GALNT17: variants seen among roughly 807,000 people sequenced by gnomAD.
The protein encoded by GALNT17 is polypeptide N-acetylgalactosaminyltransferase 17.
GALNT17 carries 29 observed loss-of-function variants against 63.7 expected under a neutral mutation model. The ratio of observed to expected loss-of-function variants is 0.46; its 90% CI spans 0.34 to 0.62. The LOEUF is 0.62. GALNT17 is among the 20% of genes least tolerant of loss of function. GALNT17 has a pLI of 0.01. For missense variants in GALNT17, 603 were observed against 799.6 expected, an observed-to-expected ratio of 0.75 and a Z score of 2.97; for synonymous variants, 305 against 318.3, an observed-to-expected ratio of 0.96 and a Z score of 0.45.
At chr7:71,360,415 T>C (rs1442728813) in intron 2 of GALNT17, among the ~76,000 whole-genome samples, 4 of 152,204 alleles carry the variant, frequency 2.6e-5, no homozygotes, top group Non-Finnish European at 2.9e-5. Context: ...AAGAACCAAC[T>C]TGTGATGAAA....
chr7:71,228,390 A>G (rs911584290), intron 1 of GALNT17, among the ~76,000 whole-genome samples: 1 of 152,198 alleles, frequency 6.6e-6, no homozygotes, highest in Non-Finnish European at 1.5e-5. Context: ...TGTCCTGTCT[A>G]GAAGCCATTG....
chr7:71,321,784 G>C (rs1243331519), intron 1 of GALNT17, among the ~76,000 whole-genome samples: 2 of 150,686 alleles, frequency 1.3e-5, no homozygotes, highest in African/African-American at 4.9e-5. Context: ...TGCCCACCTT[G>C]GCCCCCCAAA....
intron 2 of GALNT17, among the ~76,000 whole-genome samples, chr7:71,384,977 C>G (rs1792914322): frequency 6.6e-6 from 1 of 152,172 alleles, no homozygotes; most frequent in South Asian, 2.1e-4. Context: ...GCATTGACAA[C>G]TGCCTTGTTA....
At chr7:71,341,608 A>G (rs1158144263) in intron 2 of GALNT17, among the ~76,000 whole-genome samples, 1 of 152,254 alleles carries the variant, frequency 6.6e-6, no homozygotes, top group African/African-American at 2.4e-5. Flanking sequence ...GAAACATTAG[A>G]TGACAATGGA....
chr7:71,250,275 T>C (rs1008683816), intron 1 of GALNT17, among the ~76,000 whole-genome samples: 7 of 152,304 alleles, frequency 4.6e-5, no homozygotes, highest in African/African-American at 1.4e-4. Context: ...CATCCAAGAA[T>C]AGGCCATTAT....
chr7:71,546,453 C>T (rs559361122), intron 5 of GALNT17, among the ~76,000 whole-genome samples: 12 of 152,236 alleles, frequency 7.9e-5, no homozygotes, highest in African/African-American at 2.4e-4. Context: ...CAAGCCACTG[C>T]GCCCAGCTGA....
At chr7:71,621,532 TGGA>T (rs1790291783) in intron 6 of GALNT17, among the ~76,000 whole-genome samples, 2 of 105,220 alleles carry the variant, frequency 1.9e-5, no homozygotes, top group African/African-American at 7.4e-5. Flanking sequence ...GATGGATGGA[TGGA>T]TTGATGGATT....
chr7:71,290,376 G>T (rs544775700), intron 1 of GALNT17, among the ~76,000 whole-genome samples: 22 of 152,232 alleles, frequency 1.4e-4, no homozygotes, highest in Non-Finnish European at 2.9e-4. Flanking sequence ...ACTCATCTAG[G>T]GAGCTGCTCT....
At chr7:71,141,840 CTGTGTGTGTG>C (rs34121771) in intron 1 of GALNT17, among the ~76,000 whole-genome samples, 1,952 of 125,084 alleles carry the variant, frequency 0.016, 42 homozygotes, top group African/African-American at 0.051. Flanking sequence ...CCACGTCTGG[CTGTGTGTGTG>C]TGTGTGTGTG....
intron 6 of GALNT17, among the ~76,000 whole-genome samples, chr7:71,653,413 CT>C (rs34997969): frequency 1.0e-3 from 154 of 146,862 alleles, no homozygotes; most frequent in Middle Eastern, 3.5e-3. Context: ...AAAAGTAGGA[CT>C]TTTTTTTTTT....
At position 71,165,550 on chromosome 7, in the gene GALNT17, A is replaced by T. The variant is rs568993121; in HGVS notation, c.238+32510A>T. Among the ~76,000 whole-genome samples, 103 of 152,314 alleles carry T rather than the reference A, an allele frequency of 6.8e-4. 4 individuals are homozygous for T. In the South Asian group the frequency reaches 0.02, roughly 29 times the overall value. ...CTTGTGAGATTTACTCACTGTCACGACAATAGCACCGGAAAGATCTGCCCC... is the reference window on the plus strand; with the variant it reads ...CTTGTGAGATTTACTCACTGTCACGTCAATAGCACCGGAAAGATCTGCCCC... On this transcript the variant is annotated intron_variant, in intron 1 of 10. Coordinates refer to ENST00000333538, the MANE Select transcript of GALNT17 (RefSeq NM_022479.3).
chr7:71,568,849 A>G (rs1218157410), intron 5 of GALNT17, among the ~76,000 whole-genome samples: 1 of 152,192 alleles, frequency 6.6e-6, no homozygotes, highest in African/African-American at 2.4e-5. Context: ...TCTAATTTAC[A>G]ATGCATGGTC....
At chr7:71,369,104 A>G (rs948246193) in intron 2 of GALNT17, among the ~76,000 whole-genome samples, 1 of 152,248 alleles carries the variant, frequency 6.6e-6, no homozygotes, top group Non-Finnish European at 1.5e-5. Flanking sequence ...AGGTTCTTCA[A>G]TAAGTCCTAG....
intron 1 of GALNT17, among the ~76,000 whole-genome samples, chr7:71,137,712 C>T (rs1456552425): frequency 2.0e-5 from 3 of 152,206 alleles, no homozygotes; most frequent in South Asian, 2.1e-4. Flanking sequence ...CTTCACCTTC[C>T]TGACTGAAGG....
At chr7:71,466,643 C>T (rs1037067849) in intron 5 of GALNT17, among the ~76,000 whole-genome samples, 2 of 152,128 alleles carry the variant, frequency 1.3e-5, no homozygotes, top group African/African-American at 4.8e-5. Context: ...CTCTCTGATG[C>T]CTGCTACCTG....
At chr7:71,362,786 G>A (rs996729218) in intron 2 of GALNT17, among the ~76,000 whole-genome samples, 60 of 152,192 alleles carry the variant, frequency 3.9e-4, no homozygotes, top group African/African-American at 1.4e-3. Flanking sequence ...CGTGAGTCGT[G>A]AAGGAAACAT....
chr7:71,322,489 C>T (rs755034658), intron 1 of GALNT17, among the ~76,000 whole-genome samples: 3 of 152,130 alleles, frequency 2.0e-5, no homozygotes, highest in Admixed American at 6.5e-5. Flanking sequence ...AGTTAATGGG[C>T]GAAAATGTAC....
At chr7:71,377,141 A>ATATATAT (rs1563047778) in intron 2 of GALNT17, among the ~76,000 whole-genome samples, 1 of 129,468 alleles carries the variant, frequency 7.7e-6, no homozygotes, top group African/African-American at 3.0e-5. Flanking sequence ...ATATATATAT[A>ATATATAT]AAATCTCCTT....
chr7:71,604,186 C>T (rs563952618), intron 6 of GALNT17, among the ~76,000 whole-genome samples: 1 of 120,424 alleles, frequency 8.3e-6, no homozygotes, highest in South Asian at 2.8e-4. Context: ...ATACCAGATA[C>T]TATGCTTAGT....
Sources: gnomAD v4.1 joint callset for allele counts (sites outside exome capture counted in the v4.1 genomes callset) on GRCh38, gnomAD v4.1.1 for gene constraint, MANE v1.5 for transcripts, NCBI Gene and HGNC (gene_info 2026-07-23, HGNC 2026-07-21) for gene names.